Variants in MGAT5 observed in about 807,000 individuals in gnomAD.
MGAT5 encodes alpha-1,6-mannosylglycoprotein 6-beta-N-acetylglucosaminyltransferase A.
In MGAT5, 30 loss-of-function variants were observed where a neutral mutation model predicts 94.3. The ratio of observed to expected loss-of-function variants is 0.32; its 90% CI spans 0.24 to 0.43. MGAT5 has a LOEUF of 0.43. MGAT5 is among the 20% of genes least tolerant of loss of function. MGAT5 has a pLI of 1.00. For missense variants in MGAT5, 691 were observed against 905.5 expected (o/e 0.76, Z 3.04); for synonymous variants, 310 against 322.9 (o/e 0.96, Z 0.43).
intron 1 of MGAT5, among the ~76,000 whole-genome samples, chr2:134,223,792 T>A (rs1320895456): frequency 6.6e-6 from 1 of 152,208 alleles, no homozygotes; most frequent in African/African-American, 2.4e-5. Context: ...ATTTTTTGAC[T>A]GGCCATATAG....
intron 1 of MGAT5, among the ~76,000 whole-genome samples, chr2:134,153,712 G>T (rs955437106): frequency 6.6e-6 from 1 of 152,128 alleles, no homozygotes; most frequent in Non-Finnish European, 1.5e-5. Flanking sequence ...AGGCCCTGCT[G>T]GGTGATTAAG....
At chr2:134,386,800 G>A (rs566806055) in intron 10 of MGAT5, among the ~76,000 whole-genome samples, 123 of 152,270 alleles carry the variant, frequency 8.1e-4, no homozygotes, top group African/African-American at 2.8e-3. Context: ...TAAGGAAAAG[G>A]GGATATCTTT....
chr2:134,125,463 C>CA (rs1293867874), intron 1 of MGAT5, among the ~76,000 whole-genome samples: 1 of 152,156 alleles, frequency 6.6e-6, no homozygotes, highest in East Asian at 1.9e-4. Context: ...CATAGATACC[C>CA]AGGGGCACTG....
At chr2:134,158,035 G>T (rs938538029) in intron 1 of MGAT5, among the ~76,000 whole-genome samples, 11 of 152,232 alleles carry the variant, frequency 7.2e-5, no homozygotes, top group African/African-American at 2.7e-4. Context: ...GCTGAGTCCA[G>T]CATTTTTATG....
At chr2:134,265,417 C>A (rs927032948) in intron 1 of MGAT5, among the ~76,000 whole-genome samples, 2 of 152,174 alleles carry the variant, frequency 1.3e-5, no homozygotes, top group African/African-American at 4.8e-5. Flanking sequence ...CCAATCACTT[C>A]TTACCCATCA....
chr2:134,245,272 A>G (rs975866971), intron 1 of MGAT5, among the ~76,000 whole-genome samples: 1 of 152,166 alleles, frequency 6.6e-6, no homozygotes, highest in African/African-American at 2.4e-5. Context: ...CGGCCTCCCA[A>G]AGTGCGGATT....
At chr2:134,383,621 G>T (rs528177638) in intron 10 of MGAT5, among the ~76,000 whole-genome samples, 1 of 151,988 alleles carries the variant, frequency 6.6e-6, no homozygotes, top group African/African-American at 2.4e-5. Context: ...AATAATACAG[G>T]GATTAATCTC....
In MGAT5 at chr2:134,448,742, C is replaced by T. The variant is rs1685936274; in HGVS notation, c.2121C>T (p.Asp707=). 1 of 1,614,206 alleles carries T rather than the reference C, an allele frequency of 6.2e-7. No individual in the cohort carries two copies. The highest frequency in any genetic ancestry group is 8.5e-7 in the Non-Finnish European group (1 of 1,180,024). ...PKNKHCVFQG[D]LLLFSCAGAH... is the part of the protein sequence containing the mutation. Reference sequence around the variant, plus strand: ...ATAAGCACTGTGTGTTTCAAGGTGACCTCCTGCTCTTCAGCTGTGCAGGCG... The same window carrying T: ...ATAAGCACTGTGTGTTTCAAGGTGATCTCCTGCTCTTCAGCTGTGCAGGCG... Residue 707 remains aspartate, a synonymous_variant, in exon 16 of 16, where the codon GAC becomes GAT. Coordinates refer to ENST00000281923, the MANE Select transcript of MGAT5 (RefSeq NM_002410.5).
chr2:134,433,478 A>G (rs1186398211), intron 14 of MGAT5, among the ~76,000 whole-genome samples: 2 of 152,144 alleles, frequency 1.3e-5, no homozygotes, highest in Non-Finnish European at 2.9e-5. Context: ...GGAATTTTGC[A>G]TGTGTAGAGA....
chr2:134,260,738 G>C (rs1482859459), intron 1 of MGAT5, among the ~76,000 whole-genome samples: 1 of 147,532 alleles, frequency 6.8e-6, no homozygotes, highest in Non-Finnish European at 1.5e-5. Flanking sequence ...GACTGTTGTG[G>C]GATAATGTGG....
intron 10 of MGAT5, among the ~76,000 whole-genome samples, chr2:134,393,406 G>C (rs1049346352): frequency 3.3e-5 from 5 of 152,114 alleles, no homozygotes; most frequent in Admixed American, 1.3e-4. Context: ...GAGACTGCTG[G>C]TAAGAGCTGC....
At chr2:134,444,104 C>T (rs116237207) in intron 15 of MGAT5, among the ~76,000 whole-genome samples, 2,408 of 152,334 alleles carry the variant, frequency 0.016, 64 homozygotes, top group African/African-American at 0.056. Flanking sequence ...CCAGTTTTCT[C>T]ATCTGTAAAA....
intron 1 of MGAT5, among the ~76,000 whole-genome samples, chr2:134,204,249 C>T (rs1279781540): frequency 6.6e-6 from 1 of 152,170 alleles, no homozygotes; most frequent in East Asian, 1.9e-4. Context: ...ACGTATTCAT[C>T]TATTAAAGGA....
chr2:134,289,109 C>G (rs1317467626), intron 2 of MGAT5, among the ~76,000 whole-genome samples: 1 of 152,088 alleles, frequency 6.6e-6, no homozygotes, highest in Non-Finnish European at 1.5e-5. Context: ...GTGTGGCCAT[C>G]ACTTCCATCC....
At chr2:134,121,127 C>T (rs138600767) in intron 1 of MGAT5, among the ~76,000 whole-genome samples, 5 of 152,324 alleles carry the variant, frequency 3.3e-5, no homozygotes, top group Middle Eastern at 3.4e-3. Context: ...CCGCTCTCGC[C>T]TGTGGCTCTT....
chr2:134,313,521 G>A (rs74896553), intron 2 of MGAT5, among the ~76,000 whole-genome samples: 1 of 152,058 alleles, frequency 6.6e-6, no homozygotes, highest in African/African-American at 2.4e-5. Flanking sequence ...ACCTGGGCTG[G>A]TGTAAGGGTA....
At chr2:134,420,683 A>T (rs2106354632) in intron 12 of MGAT5, among the ~76,000 whole-genome samples, 1 of 152,232 alleles carries the variant, frequency 6.6e-6, no homozygotes, top group Non-Finnish European at 1.5e-5. Flanking sequence ...GAGAAGAGCC[A>T]GCTTGACCTC....
intron 11 of MGAT5, among the ~76,000 whole-genome samples, chr2:134,410,481 C>T (rs1293369824): frequency 6.6e-6 from 1 of 152,178 alleles, no homozygotes; most frequent in Non-Finnish European, 1.5e-5. Context: ...TTTGCTTAGG[C>T]TTCATTCTAA....
At chr2:134,316,520 T>C (rs554301993) in intron 2 of MGAT5, among the ~76,000 whole-genome samples, 55 of 152,212 alleles carry the variant, frequency 3.6e-4, no homozygotes, top group Non-Finnish European at 6.8e-4. Context: ...CATTGTTCAT[T>C]GTTCATTTAT....
Sources: gnomAD v4.1 joint callset for allele counts (sites outside exome capture counted in the v4.1 genomes callset) on GRCh38, gnomAD v4.1.1 for gene constraint, MANE v1.5 for transcripts, NCBI Gene and HGNC (gene_info 2026-07-23, HGNC 2026-07-21) for gene names.